The following NCK2 variants were observed in gnomAD, a reference collection of about 807,000 sequenced individuals.
NCK2 encodes cytoplasmic protein NCK2.
Under a neutral mutation model 33.9 loss-of-function variants are expected in NCK2, and 16 were observed. The observed-to-expected ratio is 0.47, with a 90% confidence interval of 0.32 to 0.72. The LOEUF (loss-of-function observed/expected upper bound fraction) is 0.72, where lower values mean the gene tolerates loss of function less well. Among genes scored for constraint, NCK2 ranks in the 30% least tolerant of loss-of-function variants. The probability of loss-of-function intolerance (pLI) is 0.03; values close to 1 mark genes in which losing one functional copy is unlikely to be tolerated. For missense variants in NCK2, 418 were observed against 537.3 expected (o/e 0.78, Z 2.19); for synonymous variants, 273 against 239.9 (o/e 1.14, Z -1.27).
intron 3 of NCK2, among the ~76,000 whole-genome samples, chr2:105,879,021 TC>T (rs1290463291): frequency 1.3e-5 from 2 of 152,216 alleles, no homozygotes; most frequent in Non-Finnish European, 2.9e-5. Context: ...AGAATATTCG[TC>T]TATCAGTTAT....
At chr2:105,780,325 TAC>T (rs57857814) in intron 1 of NCK2, among the ~76,000 whole-genome samples, 36,747 of 146,738 alleles carry the variant, frequency 0.25, 4,586 homozygotes, top group Middle Eastern at 0.34. Context: ...GAGAGATATA[TAC>T]ACACACACAC....
At chr2:105,823,975 G>A (rs996143022) in intron 2 of NCK2, among the ~76,000 whole-genome samples, 20 of 152,100 alleles carry the variant, frequency 1.3e-4, no homozygotes, top group Non-Finnish European at 1.9e-4. Flanking sequence ...GTCCCTGGCC[G>A]GCGTGAACTC....
Position 105,804,421 on chromosome 2 carries a change from A to G in NCK2, c.-200-12009A>G, listed in dbSNP as rs570324907. Reference sequence around the variant, plus strand: ...TAAAAGGCTAGGCATGTAGGTTTTCATGCTCTTGTCTGGTTTTGGCTTTGG... The same window carrying G: ...TAAAAGGCTAGGCATGTAGGTTTTCGTGCTCTTGTCTGGTTTTGGCTTTGG... On this transcript the variant is annotated intron_variant, in intron 1 of 4. Coordinates refer to ENST00000233154, the MANE Select transcript of NCK2 (RefSeq NM_003581.5). 9.2e-4 allele frequency among the ~76,000 whole-genome samples: 140 copies of G among 152,346 alleles called. 5 individuals carry two copies. In the South Asian group the frequency reaches 0.028, roughly 30 times the overall value.
intron 1 of NCK2, among the ~76,000 whole-genome samples, chr2:105,765,543 G>A (rs1160914644): frequency 6.6e-6 from 1 of 152,154 alleles, no homozygotes; most frequent in Non-Finnish European, 1.5e-5. Context: ...CCCTTTAAGG[G>A]TGACTTTAGT....
chr2:105,848,225 A>G (rs994054936), intron 2 of NCK2, among the ~76,000 whole-genome samples: 1 of 152,202 alleles, frequency 6.6e-6, no homozygotes, highest in Non-Finnish European at 1.5e-5. Flanking sequence ...CCCATCTGCA[A>G]ACACAGAAAT....
chr2:105,775,203 C>G (rs1166581786), intron 1 of NCK2, among the ~76,000 whole-genome samples: 1 of 152,170 alleles, frequency 6.6e-6, no homozygotes, highest in Non-Finnish European at 1.5e-5. Context: ...GTAATTTGCA[C>G]TGTGTGTGGC....
chr2:105,783,589 C>T (rs1356742935), intron 1 of NCK2, among the ~76,000 whole-genome samples: 1 of 152,122 alleles, frequency 6.6e-6, no homozygotes, highest in Admixed American at 6.5e-5. Flanking sequence ...GGCAGCCGTT[C>T]GCGGAGAATA....
chr2:105,844,404 T>C (rs1255965739), intron 2 of NCK2, among the ~76,000 whole-genome samples: 3 of 152,048 alleles, frequency 2.0e-5, no homozygotes, highest in Non-Finnish European at 2.9e-5. Flanking sequence ...AATATGTTAA[T>C]AATAAAGGAA....
intron 3 of NCK2, among the ~76,000 whole-genome samples, chr2:105,866,510 G>C (rs555974955): frequency 6.6e-6 from 1 of 152,154 alleles, no homozygotes; most frequent in Non-Finnish European, 1.5e-5. Context: ...CGATGGTTTC[G>C]GGATGAAACT....
chr2:105,750,353 A>G (rs1689419483), intron 1 of NCK2, among the ~76,000 whole-genome samples: 1 of 152,060 alleles, frequency 6.6e-6, no homozygotes, highest in Admixed American at 6.5e-5. Flanking sequence ...TTTAACCTTA[A>G]TTGCCTCCTG....
intron 4 of NCK2, among the ~76,000 whole-genome samples, chr2:105,883,187 C>T (rs1418903354): frequency 6.6e-6 from 1 of 152,172 alleles, no homozygotes; most frequent in African/African-American, 2.4e-5. Context: ...GAAATCTGAA[C>T]TCTGAGATTT....
chr2:105,836,154 TC>T (rs1676428624), intron 2 of NCK2, among the ~76,000 whole-genome samples: 1 of 143,294 alleles, frequency 7.0e-6, no homozygotes, highest in African/African-American at 2.8e-5. Context: ...TTACTGTGTT[TC>T]TTTGGAGGTT....
At chr2:105,869,264 T>G (rs926938598) in intron 3 of NCK2, among the ~76,000 whole-genome samples, 17 of 152,166 alleles carry the variant, frequency 1.1e-4, no homozygotes, top group Admixed American at 9.2e-4. Flanking sequence ...GGATCCTGCA[T>G]GTGTCCCTAG....
rs1469455323 is a variant in NCK2 at position 105,828,844 on chromosome 2, G to A, written c.-17+12231G>A. 2.0e-5 allele frequency among the ~76,000 whole-genome samples: 3 copies of A among 152,364 alleles called. No individual in the cohort carries two copies. In the East Asian group the frequency reaches 5.8e-4, roughly 29 times the overall value. On this transcript the variant is annotated intron_variant, in intron 2 of 4. Coordinates refer to ENST00000233154, the MANE Select transcript of NCK2 (RefSeq NM_003581.5). ...TTTTCAACTGTACCCAGTGGCCACT[G>A]TCTGAAATGTCTTCTTTTAATAGAA... is the stretch of plus-strand genomic sequence containing the variant.
chr2:105,854,813 C>T, intron 2 of NCK2: 1 of 397,010 alleles, frequency 2.5e-6, no homozygotes, highest in Non-Finnish European at 4.6e-6. Flanking sequence ...GGTCAGATTT[C>T]CCCATGTACA....
intron 3 of NCK2, 168 bp downstream of exon 3, chr2:105,855,457 G>T: frequency 1.7e-6 from 1 of 599,032 alleles, no homozygotes; most frequent in South Asian, 2.3e-5. Context: ...GATGGAGAAA[G>T]AGGATGTTTT....
At chr2:105,841,813 T>C (rs563106695) in intron 2 of NCK2, among the ~76,000 whole-genome samples, 4 of 152,270 alleles carry the variant, frequency 2.6e-5, no homozygotes, top group Non-Finnish European at 5.9e-5. Context: ...TACGGTATCA[T>C]AGAAGGTCAT....
chr2:105,853,345 T>A lies in NCK2; in HGVS notation c.-16-1703T>A, dbSNP rs551998090. Among the ~76,000 whole-genome samples, 3 of 152,356 alleles carry A rather than the reference T, an allele frequency of 2.0e-5. No homozygotes were observed. The East Asian group carries it at 5.8e-4, about 29-fold the overall frequency. On this transcript the variant is annotated intron_variant, in intron 2 of 4. Transcript: ENST00000233154. ...TATTTATTACTTCCAAAATTGACTT[T>A]ACTGGATATATAATACACGCATCTA... is the stretch of plus-strand genomic sequence containing the variant.
At chr2:105,891,114 G>T (rs1049496833) in intron 4 of NCK2, among the ~76,000 whole-genome samples, 2 of 152,248 alleles carry the variant, frequency 1.3e-5, no homozygotes, top group East Asian at 3.9e-4. Flanking sequence ...GCCCCCACAC[G>T]CACTTATACA....
Sources: gnomAD v4.1 joint callset for allele counts (sites outside exome capture counted in the v4.1 genomes callset) on GRCh38, gnomAD v4.1.1 for gene constraint, MANE v1.5 for transcripts, NCBI Gene and HGNC (gene_info 2026-07-23, HGNC 2026-07-21) for gene names.